ZGRF1: variants seen among roughly 807,000 people sequenced by gnomAD.
The protein encoded by ZGRF1 is zinc finger GRF-type containing 1, also known as 5'-3' DNA helicase ZGRF1.
In ZGRF1, 196 loss-of-function variants were observed where a neutral mutation model predicts 203.5. That is an observed-to-expected ratio of 0.96 (90% CI 0.86 to 1.08). ZGRF1 has a LOEUF of 1.08. Ranked by LOEUF, ZGRF1 falls within the 50% of genes least tolerant of loss-of-function variation. The probability of loss-of-function intolerance (pLI) is 0.00; values close to 1 mark genes in which losing one functional copy is unlikely to be tolerated. For missense variants in ZGRF1, 2,326 were observed against 2,416.3 expected, an observed-to-expected ratio of 0.96 and a Z score of 0.78; for synonymous variants, 809 against 841.3, an observed-to-expected ratio of 0.96 and a Z score of 0.66.
chr4:112,577,254 G>T lies in ZGRF1; in HGVS notation c.4438+4409C>A, dbSNP rs1368194079. On this transcript the variant is annotated intron_variant, in intron 16 of 27. Transcript: ENST00000505019. The stretch of plus-strand genomic sequence containing the variant: ...GAGAGATTTTGTCACCACCAGGCCT[G>T]CCCTAAAAGAGCTCCTGAAGGAAGC... 5.7e-5 allele frequency among the ~76,000 whole-genome samples: 7 copies of T among 122,632 alleles called. 2 individuals are homozygous for T. The highest frequency in any genetic ancestry group is 2.0e-4 in the African/African-American group (7 of 35,354). The allele number at this position is 122,632 out of a possible 152,430, so 80.5% of individuals were successfully genotyped here. A position where few individuals can be genotyped will look rare whatever the true frequency, so the allele number is the denominator to read the frequency against.
intron 15 of ZGRF1, 87 bp from the exon 16 acceptor site, chr4:112,581,889 C>G: frequency 1.6e-6 from 1 of 621,794 alleles, no homozygotes; most frequent in Non-Finnish European, 2.5e-6. Flanking sequence ...TGAAAAGAAC[C>G]AGGGTTTCAT....
intron 22 of ZGRF1, among the ~76,000 whole-genome samples, chr4:112,550,345 AAG>A (rs1357035067): frequency 6.6e-6 from 1 of 152,124 alleles, no homozygotes; most frequent in Non-Finnish European, 1.5e-5. Flanking sequence ...AAGGTAAAAA[AAG>A]AAAAATTTTA....
chr4:112,560,961 T>C lies in ZGRF1; in HGVS notation c.4732A>G (p.Ser1578Gly). ...SPTIVSNKRV[S>G]KRKFIPPAFT... is the part of the protein sequence containing the mutation. ...GCTGGTGGGATAAATTTTCTCTTAC[T>C]GACTCTTTTGTTACTAACTATAGTT... is the stretch of plus-strand genomic sequence containing the variant. The change falls in exon 19 of 28, where the codon AGT (serine) becomes GGT (glycine). Residue 1578 changes from serine to glycine, a missense_variant. By Grantham distance (56) the Ser-to-Gly change is moderately conservative (BLOSUM62 0). Coordinates refer to ENST00000505019, the MANE Select transcript of ZGRF1 (RefSeq NM_018392.5). 1 of 1,611,014 alleles carries C rather than the reference T, an allele frequency of 6.2e-7. No individual in the cohort carries two copies.
intron 4 of ZGRF1, among the ~76,000 whole-genome samples, 177 bp downstream of exon 4, chr4:112,623,640 C>T (rs1301206084): frequency 6.6e-6 from 1 of 152,070 alleles, no homozygotes; most frequent in Non-Finnish European, 1.5e-5. Flanking sequence ...CATAAAAAAT[C>T]AGTTGTAGAG....
rs760231433 is a variant in ZGRF1, at chr4:112,560,819, T to A, written c.4874A>T (p.Gln1625Leu). 1 of 1,613,126 alleles carries A rather than the reference T, an allele frequency of 6.2e-7. No homozygotes were observed. Among genetic ancestry groups the A allele is most frequent in the South Asian group, 1.1e-5 (1 of 91,062 alleles). ...ATGTGATGCCATCATTTGAGCTATT[T>A]GAATTAGAGCTGTAGCTTGATCCTT... ...LNKDQATALI[Q>L]IAQMMASHES... The change falls in exon 19 of 28, where the codon CAA (glutamine) becomes CTA (leucine). Residue 1625 changes from glutamine (Q) to leucine (L), a missense_variant. Transcript: ENST00000505019.
Position 112,625,104 on chromosome 4 carries a change from G to A in ZGRF1, c.103-1228C>T, listed in dbSNP as rs150748735. The stretch of plus-strand genomic sequence containing the variant: ...GAGGTTCAAGATCAATCCAGGGAAC[G>A]AAGCAAGACTCTATCTCTAAAAAAT... On this transcript the variant is annotated intron_variant, in intron 3 of 27. Transcript: ENST00000505019. Among the ~76,000 whole-genome samples, 4 of 152,230 alleles carry A rather than the reference G, an allele frequency of 2.6e-5. No individual in the cohort carries two copies. In the South Asian group the frequency reaches 6.2e-4, roughly 24 times the overall value.
At chr4:112,593,419 T>C (rs1748496561) in intron 10 of ZGRF1, among the ~76,000 whole-genome samples, 1 of 152,370 alleles carries the variant, frequency 6.6e-6, no homozygotes, top group African/African-American at 2.4e-5. Flanking sequence ...CCATCTTCTA[T>C]ATAGCAGCCA....
At chr4:112,552,756 T>G (rs555975607) in intron 22 of ZGRF1, among the ~76,000 whole-genome samples, 13 of 152,328 alleles carry the variant, frequency 8.5e-5, no homozygotes. Flanking sequence ...CCACACCCTT[T>G]GCCATGTTAC....
chr4:112,548,480 A>G, intron 22 of ZGRF1, 100 bp from the exon 23 acceptor site: 1 of 855,092 alleles, frequency 1.2e-6, no homozygotes, highest in Admixed American at 3.0e-5. Flanking sequence ...AGAGTGAGCT[A>G]GTCCTAATTT....
At chr4:112,553,276 C>T (rs866760744) in intron 22 of ZGRF1, among the ~76,000 whole-genome samples, 1 of 152,166 alleles carries the variant, frequency 6.6e-6, no homozygotes, top group Admixed American at 6.5e-5. Context: ...CCAGGCTTCC[C>T]TAGATCAAAA....
chr4:112,594,199 T>A (rs529752603), intron 10 of ZGRF1, among the ~76,000 whole-genome samples: 1 of 152,316 alleles, frequency 6.6e-6, no homozygotes, highest in African/African-American at 2.4e-5. Flanking sequence ...TAAGGTCATA[T>A]CTGGTTTGTC....
At chr4:112,602,765 TAAAC>T (rs1257657752) in intron 10 of ZGRF1, among the ~76,000 whole-genome samples, 3 of 152,214 alleles carry the variant, frequency 2.0e-5, no homozygotes, top group Non-Finnish European at 4.4e-5. Context: ...ATTGCAATAT[TAAAC>T]AAAAGAGGGC....
chr4:112,576,506 T>C (rs969164640), intron 16 of ZGRF1, among the ~76,000 whole-genome samples: 9 of 151,924 alleles, frequency 5.9e-5, no homozygotes, highest in East Asian at 1.9e-4. Flanking sequence ...TTTGAACCCA[T>C]GGCAAAGAAG....
chr4:112,628,898 A>G (rs1442793479), intron 3 of ZGRF1: 1 of 407,152 alleles, frequency 2.5e-6, no homozygotes, highest in African/African-American at 2.1e-5. Context: ...ATAGAATAGC[A>G]TCAGACACTG....
intron 14 of ZGRF1, among the ~76,000 whole-genome samples, chr4:112,584,414 G>A (rs1746816769): frequency 6.6e-6 from 1 of 152,014 alleles, no homozygotes; most frequent in African/African-American, 2.4e-5. Context: ...TTGAAAATTT[G>A]TTTTTCTGAT....
chr4:112,548,246 A>G lies in ZGRF1; in HGVS notation c.5474+7T>C, dbSNP rs373005258. On this transcript the variant is annotated splice_region_variant and intron_variant, in intron 23 of 27. Coordinates refer to ENST00000505019, the MANE Select transcript of ZGRF1 (RefSeq NM_018392.5). ...ATTACCCCTGGGGAAAGAATCTTTT[A>G]GGTTACCTTGCAATGGGAAGGAGAG... The G allele has an allele frequency of 4.8e-4, 745 of 1,551,766 alleles. No individual in the cohort carries two copies. Among genetic ancestry groups the G allele is most frequent in the Non-Finnish European group, 6.1e-4 (695 of 1,146,872 alleles).
chr4:112,617,077 A>C (rs2046901519), intron 6 of ZGRF1, among the ~76,000 whole-genome samples: 1 of 152,142 alleles, frequency 6.6e-6, no homozygotes. Flanking sequence ...TGACAGAGTG[A>C]GACTGTCTCC....
rs1318220391 is a variant in ZGRF1 at position 112,553,922 on chromosome 4, T to C, written c.5259A>G (p.Lys1753=). The C allele has an allele frequency of 1.4e-5, 22 of 1,613,594 alleles. No individual in the cohort carries two copies. Among genetic ancestry groups the C allele is most frequent in the Non-Finnish European group, 1.7e-5 (20 of 1,179,790 alleles). ...EQLKELHALM[K]EDLTPTERVY... The stretch of plus-strand genomic sequence containing the variant: ...CTCTTTCCGTAGGAGTCAGGTCTTC[T>C]TTCATTAGTGCATGTAGTTCTTTTA... The change falls in exon 22 of 28, where the codon AAA becomes AAG. Residue 1753 remains lysine (K), a synonymous_variant. Transcript: ENST00000505019.
chr4:112,618,282 T>A lies in ZGRF1; in HGVS notation c.1760A>T (p.Glu587Val), dbSNP rs776907308. The A allele has an allele frequency of 1.2e-6, 2 of 1,613,830 alleles. No homozygotes were observed. The highest frequency in any genetic ancestry group is 2.7e-5 in the African/African-American group (2 of 74,930). The change falls in exon 6 of 28, where the codon GAA becomes GTA. Residue 587 changes from glutamate to valine, a missense_variant. Coordinates refer to ENST00000505019, the MANE Select transcript of ZGRF1 (RefSeq NM_018392.5). ...ENTNCEEIEG[E>V]HLPFLTSVSD... ...AACAGATGTTAAGAATGGCAAATGT[T>A]CACCCTCAATCTCTTCACAGTTTGT...
Sources: gnomAD v4.1 joint callset for allele counts (sites outside exome capture counted in the v4.1 genomes callset) on GRCh38, gnomAD v4.1.1 for gene constraint, MANE v1.5 for transcripts, NCBI Gene and HGNC (gene_info 2026-07-23, HGNC 2026-07-21) for gene names.